Variants in SDC4 observed in about 807,000 individuals in gnomAD.
The protein encoded by SDC4 is syndecan-4.
A neutral mutation model predicts 20.5 loss-of-function variants in SDC4; 17 were observed. That is an observed-to-expected ratio of 0.83 (90% CI 0.57 to 1.25). SDC4 has a LOEUF of 1.25. SDC4 is among the 50% of genes most tolerant of loss of function. SDC4 has a pLI of 0.00. For missense variants in SDC4, 241 were observed against 252.3 expected, an observed-to-expected ratio of 0.96 and a Z score of 0.30; for synonymous variants, 107 against 105.3, an observed-to-expected ratio of 1.02 and a Z score of -0.10.
intron 2 of SDC4, 33 bp from the exon 3 acceptor site, chr20:45,333,102 C>T (rs531207971): frequency 3.7e-6 from 6 of 1,608,166 alleles, no homozygotes; most frequent in African/African-American, 1.3e-5. Flanking sequence ...TGAGTGAGGT[C>T]CATTACCCCA....
chr20:45,334,121 A>G (rs1478160995), intron 2 of SDC4, among the ~76,000 whole-genome samples: 1 of 151,874 alleles, frequency 6.6e-6, no homozygotes, highest in Admixed American at 6.6e-5. Context: ...CAGCCCCCCG[A>G]GTAGCTGGGA....
intron 1 of SDC4, among the ~76,000 whole-genome samples, chr20:45,336,500 C>A (rs1987870863): frequency 6.6e-6 from 1 of 152,174 alleles, no homozygotes; most frequent in African/African-American, 2.4e-5. Context: ...ATGTGCTGGG[C>A]CCTGTTTTAA....
rs1276490878 is a variant in SDC4 at position 45,325,843 on chromosome 20, AACTTT to A, written c.*1416_*1420del. 1 of 152,550 alleles carries A rather than the reference AACTTT, an allele frequency of 6.6e-6. No individual in the cohort carries two copies. The allele number at this position is 152,550 out of a possible 1,614,324, so 9.4% of individuals were successfully genotyped here. On this transcript the variant is annotated 3_prime_UTR_variant, in exon 5 of 5. Coordinates refer to ENST00000372733, the MANE Select transcript of SDC4 (RefSeq NM_002999.4). ...AATCTTATGTGATTTTAATTGGCTT[AACTTT>A]AAACAGCCGCATGTGGTTACTGTAT...
chr20:45,335,309 C>T (rs1046179574), intron 2 of SDC4, among the ~76,000 whole-genome samples: 5 of 152,096 alleles, frequency 3.3e-5, no homozygotes, highest in Admixed American at 3.3e-4. Flanking sequence ...TCCCAAGTAG[C>T]TGGGACTCCT....
At chr20:45,327,490 C>T in intron 4 of SDC4, 75 bp from the exon 5 acceptor site, 2 of 1,477,298 alleles carry the variant, frequency 1.4e-6, no homozygotes, top group Non-Finnish European at 1.8e-6. Context: ...CTCTTTCCCC[C>T]ACTGTCAGTT....
At chr20:45,335,456 G>C (rs1160771606) in intron 2 of SDC4, among the ~76,000 whole-genome samples, 1 of 150,596 alleles carries the variant, frequency 6.6e-6, no homozygotes, top group Non-Finnish European at 1.5e-5. Context: ...CTCCCACCCT[G>C]TCCTGCCACC....
intron 1 of SDC4, among the ~76,000 whole-genome samples, chr20:45,342,063 G>T (rs1210206505): frequency 6.6e-6 from 1 of 152,230 alleles, no homozygotes; most frequent in Non-Finnish European, 1.5e-5. Flanking sequence ...CTCAGAGACA[G>T]AGGTGCATTG....
At chr20:45,333,182 C>T (rs1987805575) in intron 2 of SDC4, 113 bp from the exon 3 acceptor site, 4 of 982,878 alleles carry the variant, frequency 4.1e-6, no homozygotes, top group South Asian at 4.0e-5. Flanking sequence ...TGCTCAATGT[C>T]CAGCAAGCGA....
chr20:45,330,276 A>C, intron 4 of SDC4, 90 bp downstream of exon 4: 1 of 1,202,902 alleles, frequency 8.3e-7, no homozygotes, highest in South Asian at 1.2e-5. Flanking sequence ...AAGGAGCCTC[A>C]TGGCTGGAGG....
intron 1 of SDC4, among the ~76,000 whole-genome samples, chr20:45,341,215 C>G (rs1987948059): frequency 6.6e-6 from 1 of 152,192 alleles, no homozygotes; most frequent in Admixed American, 6.5e-5. Flanking sequence ...CTCAAAGGAT[C>G]AGAGGCCTGG....
In SDC4 at chr20:45,326,383, T is replaced by TAAAAAAAAA. The variant is rs35186241; in HGVS notation, c.*872_*880dup. On this transcript the variant is annotated 3_prime_UTR_variant, in exon 5 of 5. Transcript: ENST00000372733. Reference sequence around the variant, plus strand: ...AGGCCCTATCTAAAGCTATAAATAGTAAAAAAAAAAAAAAAAAAAAAAAAT... The same window carrying TAAAAAAAAA: ...AGGCCCTATCTAAAGCTATAAATAGTAAAAAAAAAAAAAAAAAAAAAAAAAAAAAAAAAT... 61 of 97,518 alleles carry TAAAAAAAAA rather than the reference T, an allele frequency of 6.3e-4. No individual in the cohort carries two copies. Among genetic ancestry groups the TAAAAAAAAA allele is most frequent in the Non-Finnish European group, 7.8e-4 (38 of 48,914 alleles). The allele number at this position is 97,518 out of a possible 1,614,324, so 6.0% of individuals were successfully genotyped here.
At chr20:45,347,177 C>T (rs1347863342) in intron 1 of SDC4, among the ~76,000 whole-genome samples, 1 of 152,172 alleles carries the variant, frequency 6.6e-6, no homozygotes, top group Non-Finnish European at 1.5e-5. Flanking sequence ...TCATTCATTC[C>T]TCAAGAAGAG....
chr20:45,325,889 T>A lies in SDC4; in HGVS notation c.*1375A>T, dbSNP rs763309254. On this transcript the variant is annotated 3_prime_UTR_variant, in exon 5 of 5. Coordinates refer to ENST00000372733, the MANE Select transcript of SDC4 (RefSeq NM_002999.4). ...GTTACTGTATTGGATAGCACAGCCC[T>A]AGAGCCTGAAGAAAGCAAACCAAAG... The A allele has an allele frequency of 6.6e-6, 1 of 152,584 alleles. No homozygotes were observed. The highest frequency in any genetic ancestry group is 1.5e-5 in the Non-Finnish European group (1 of 68,080). The allele number at this position is 152,584 out of a possible 1,614,324, so 9.5% of individuals were successfully genotyped here.
At chr20:45,342,142 C>T (rs1987961204) in intron 1 of SDC4, among the ~76,000 whole-genome samples, 1 of 152,260 alleles carries the variant, frequency 6.6e-6, no homozygotes, top group South Asian at 2.1e-4. Flanking sequence ...GGGAGGCTCT[C>T]GGGATGTAAA....
rs561108262 is a variant in SDC4, at chr20:45,328,950, G to A, written c.445+1416C>T. 6.6e-5 allele frequency among the ~76,000 whole-genome samples: 10 copies of A among 152,300 alleles called. No individual in the cohort carries two copies. In the South Asian group the frequency reaches 2.1e-3, roughly 32 times the overall value. On this transcript the variant is annotated intron_variant, in intron 4 of 4. Coordinates refer to ENST00000372733, the MANE Select transcript of SDC4 (RefSeq NM_002999.4). ...CCACGAGGCCCTGGGTCTGCGCTGG[G>A]ATGCCCCACAGGGTCAAGTTTCAAG...
At chr20:45,330,612 ACT>A in intron 3 of SDC4, 48 bp from the exon 4 acceptor site, 1 of 1,549,748 alleles carries the variant, frequency 6.5e-7, no homozygotes, top group South Asian at 1.1e-5. Context: ...TTTGGAAGAG[ACT>A]CAGGGCAGGG....
chr20:45,347,523 C>T (rs1360223003), intron 1 of SDC4, among the ~76,000 whole-genome samples: 1 of 152,170 alleles, frequency 6.6e-6, no homozygotes, highest in Non-Finnish European at 1.5e-5. Flanking sequence ...GAGGCCTTCT[C>T]TCCCCCCTAC....
At chr20:45,330,856 G>C (rs1987766754) in intron 3 of SDC4, among the ~76,000 whole-genome samples, 1 of 152,222 alleles carries the variant, frequency 6.6e-6, no homozygotes, top group Non-Finnish European at 1.5e-5. Flanking sequence ...AACCACTCTG[G>C]AAGCAATTTG....
In SDC4 at chr20:45,327,131, T is replaced by A. The variant is rs1987703341; in HGVS notation, c.*133A>T. On this transcript the variant is annotated 3_prime_UTR_variant, in exon 5 of 5. Coordinates refer to ENST00000372733, the MANE Select transcript of SDC4 (RefSeq NM_002999.4). ...AGAAGACAATGTCTCTTCTGAACACTTCAAAGGTAATCAGAGCTGGAGATA... is the reference window on the plus strand; with the variant it reads ...AGAAGACAATGTCTCTTCTGAACACATCAAAGGTAATCAGAGCTGGAGATA... The A allele has an allele frequency of 7.5e-6, 7 of 934,028 alleles. No individual in the cohort carries two copies. In the South Asian group the frequency reaches 8.4e-5, roughly 11 times the overall value. The allele number at this position is 934,028 out of a possible 1,614,324, so 57.9% of individuals were successfully genotyped here.
Sources: allele counts gnomAD v4.1 joint callset (sites outside exome capture counted in the v4.1 genomes callset), GRCh38; gene constraint gnomAD v4.1.1; transcripts MANE v1.5; gene names NCBI Gene and HGNC (gene_info 2026-07-23, HGNC 2026-07-21).